The following MED12 variants were observed in gnomAD, a reference collection of about 807,000 sequenced individuals.
The protein encoded by MED12 is mediator of RNA polymerase II transcription subunit 12.
A neutral mutation model predicts 177.7 loss-of-function variants in MED12; 10 were observed. The observed-to-expected ratio is 0.06, with a 90% CI of 0.03 to 0.10. MED12 has a LOEUF of 0.10. MED12 is among the 10% of genes least tolerant of loss of function. The probability of loss-of-function intolerance (pLI) is 1.00; values close to 1 mark genes in which losing one functional copy is unlikely to be tolerated. For synonymous variants in MED12, 641 were observed against 678.4 expected (o/e 0.94, Z 0.86); for missense variants, 867 against 1,780.8 (o/e 0.49, Z 9.23).
At chrX:71,132,259 G>C (rs1029588838) in intron 30 of MED12, 53 bp downstream of exon 30, 1 of 1,180,399 alleles carries the variant, frequency 8.5e-7, no homozygotes, top group Non-Finnish European at 1.2e-6. Flanking sequence ...TCTGCTGGTA[G>C]CGTGAGTGAT....
At chrX:71,128,212 T>A in intron 22 of MED12, 84 bp from the exon 23 acceptor site, 5 of 1,198,134 alleles carry the variant, frequency 4.2e-6, no homozygotes, top group Non-Finnish European at 5.7e-6. Flanking sequence ...CCTTGATTAT[T>A]TAGTGGGGCA....
At chrX:71,137,439 G>A in intron 39 of MED12, 56 bp downstream of exon 39, 1 of 1,178,467 alleles carries the variant, frequency 8.5e-7, no homozygotes, top group Non-Finnish European at 1.2e-6. Context: ...GGCTTTTGAG[G>A]GTCACAGGAC....
chrX:71,125,334 G>A lies in MED12; in HGVS notation c.2227-17G>A. ...AGGAGATCGGTGCTGGAGTCTGATG[G>A]TGCTGCTGGGATGCAGGAGGAGTCA... is the stretch of plus-strand genomic sequence containing the variant. On this transcript the variant is annotated splice_polypyrimidine_tract_variant and intron_variant, in intron 15 of 44. Coordinates refer to ENST00000374080, the MANE Select transcript of MED12 (RefSeq NM_005120.3). 1 of 1,210,779 alleles carries A rather than the reference G, an allele frequency of 8.3e-7. No homozygotes were observed. The highest frequency in any genetic ancestry group is 1.1e-6 in the Non-Finnish European group (1 of 895,177).
rs2092289531 is a variant in MED12, at chrX:71,121,588, A to G, written c.873A>G (p.Ala291=). The part of the protein sequence containing the change: ...LRYSGEFVQS[A]YLSRRLAYFC... ...ACTCTGGGGAATTTGTTCAGTCTGC[A>G]TACCTGTCCCGCCGGCTTGCCTACT... is the stretch of plus-strand genomic sequence containing the variant. The change falls in exon 7 of 45, where the codon GCA becomes GCG. Residue 291 remains alanine, a synonymous_variant. Transcript: ENST00000374080. 1 of 1,209,491 alleles carries G rather than the reference A, an allele frequency of 8.3e-7. No individual in the cohort carries two copies. The highest frequency in any genetic ancestry group is 1.8e-5 in the South Asian group (1 of 56,740).
intron 11 of MED12, 29 bp downstream of exon 11, chrX:71,123,255 T>A: frequency 2.5e-6 from 3 of 1,208,216 alleles, no homozygotes; most frequent in Non-Finnish European, 3.4e-6. Flanking sequence ...GAGAACAAGA[T>A]TGGCCAATGG....
intron 24 of MED12, 161 bp downstream of exon 24, chrX:71,128,879 G>C: frequency 1.4e-6 from 1 of 694,826 alleles, no homozygotes; most frequent in Non-Finnish European, 2.2e-6. Flanking sequence ...GAAGAAACCT[G>C]TTTTTTAGCC....
rs2092307719 is a variant in MED12 at position 71,128,083 on chromosome X, C to T, written c.3172C>T (p.Leu1058Phe). The change falls in exon 22 of 45, where the codon CTT (leucine) becomes TTT (phenylalanine). Residue 1058 changes from leucine to phenylalanine, a missense_variant. Transcript: ENST00000374080. Reference protein sequence around the residue: ...ANRYSFVCNALMHVCVGHHDP... With the variant: ...ANRYSFVCNAFMHVCVGHHDP... ...CCGCTACAGCTTTGTCTGCAATGCC[C>T]TTATGCACGTCTGTGTGGGGCACCA... 3 of 1,211,240 alleles carry T rather than the reference C, an allele frequency of 2.5e-6. No homozygotes were observed. The highest frequency in any genetic ancestry group is 3.4e-6 in the Non-Finnish European group (3 of 895,280).
rs767783777 is a variant in MED12 at position 71,127,045 on chromosome X, G to A, written c.2762G>A (p.Ser921Asn). 8.3e-7 allele frequency: 1 copy of A among 1,210,318 alleles called. No individual in the cohort carries two copies. Residue 921 changes from serine (S) to asparagine (N), a missense_variant, in exon 20 of 45, where the codon AGC becomes AAC. Physicochemically the swap from Ser to Asn is conservative, Grantham distance 46. Transcript: ENST00000374080. ...GATCTGGTGGGCAGCTACACTACTA[G>A]CCTGTGCCTGTGCATCGTGGCTGTC... ...SSDLVGSYTT[S>N]LCLCIVAVLR...
chrX:71,129,992 C>A, intron 27 of MED12, 43 bp from the exon 28 acceptor site: 1 of 1,193,792 alleles, frequency 8.4e-7, no homozygotes, highest in Non-Finnish European at 1.1e-6. Context: ...ATTCCTAACC[C>A]CCTCACTGGT....
chrX:71,126,719 C>T (rs2092304270), intron 19 of MED12, among the ~76,000 whole-genome samples: 1 of 112,162 alleles, frequency 8.9e-6, no homozygotes, highest in Non-Finnish European at 1.9e-5. Flanking sequence ...CATCCTCCCA[C>T]TGTGGAGTTC....
At position 71,137,676 on chromosome X, in the gene MED12, C is replaced by G. The variant is rs1435561756; in HGVS notation, c.5826+41C>G. On this transcript the variant is annotated intron_variant, in intron 40 of 44. Coordinates refer to ENST00000374080, the MANE Select transcript of MED12 (RefSeq NM_005120.3). Reference sequence around the variant, plus strand: ...TGTGAGACTAGGGGGATGAGGCAAGCTGCTCTGCATACTCTCGGCCCTGAT... The same window carrying G: ...TGTGAGACTAGGGGGATGAGGCAAGGTGCTCTGCATACTCTCGGCCCTGAT... 6 of 1,201,993 alleles carry G rather than the reference C, an allele frequency of 5.0e-6. No homozygotes were observed. The East Asian group carries it at 1.8e-4, about 36-fold the overall frequency.
intron 1 of MED12, 86 bp downstream of exon 1, chrX:71,118,939 G>A (rs1602293144): frequency 2.2e-6 from 2 of 889,000 alleles, no homozygotes; most frequent in Non-Finnish European, 3.2e-6. Context: ...ATGGGGGGCG[G>A]GGCGGTTCGG....
In MED12 at chrX:71,120,022, T is replaced by A; in HGVS notation, c.405T>A (p.Ile135=). The change falls in exon 4 of 45, where the codon ATT becomes ATA. Residue 135 remains isoleucine (I), a synonymous_variant. Coordinates refer to ENST00000374080, the MANE Select transcript of MED12 (RefSeq NM_005120.3). The stretch of plus-strand genomic sequence containing the variant: ...TTGCAATGTCCATCCAGGTCCCCAT[T>A]TTCAGTAAGAAGGAAGAGGTGTTTG... ...PLTQLAKKVP[I]FSKKEEVFGY... is the part of the protein sequence containing the mutation. The A allele has an allele frequency of 8.3e-7, 1 of 1,211,749 alleles. No homozygotes were observed. The highest frequency in any genetic ancestry group is 1.1e-6 in the Non-Finnish European group (1 of 895,492).
intron 41 of MED12, 52 bp from the exon 42 acceptor site, chrX:71,140,583 C>T: frequency 1.7e-6 from 2 of 1,210,883 alleles, no homozygotes; most frequent in South Asian, 3.5e-5. Flanking sequence ...TATACTGACC[C>T]CCTCTCCTCA....
chrX:71,119,973 T>C, intron 3 of MED12, 41 bp from the exon 4 acceptor site: 1 of 1,209,553 alleles, frequency 8.3e-7, no homozygotes, highest in Non-Finnish European at 1.1e-6. Context: ...TGTCAGCTCA[T>C]GGGGATAATA....
In MED12 at chrX:71,125,599, T is replaced by G. The variant is rs1333575369; in HGVS notation, c.2372-64T>G. 1.6e-5 allele frequency: 19 copies of G among 1,179,062 alleles called. No individual in the cohort carries two copies. In the East Asian group the frequency reaches 5.7e-4, roughly 35 times the overall value. ...CCCAGTCATGTCCCAATGTCCTGTC[T>G]CTTGGAGTCTCCTGAGAGCTCTAGT... On this transcript the variant is annotated intron_variant, in intron 16 of 44. Transcript: ENST00000374080.
In MED12 at chrX:71,132,222, G is replaced by A. The variant is rs185066241; in HGVS notation, c.4253+16G>A. 7 of 1,206,782 alleles carry A rather than the reference G, an allele frequency of 5.8e-6. No individual in the cohort carries two copies. In the African/African-American group the frequency reaches 1.2e-4, roughly 21 times the overall value. ...CTGTGCTCAGGTCGGATAGAAACAT[G>A]TTAGGACCCATCCCCTTAGGAGTTT... On this transcript the variant is annotated intron_variant, in intron 30 of 44. Transcript: ENST00000374080.
intron 4 of MED12, among the ~76,000 whole-genome samples, chrX:71,120,380 T>C (rs1233521778): frequency 9.1e-6 from 1 of 110,048 alleles, no homozygotes; most frequent in Non-Finnish European, 1.9e-5. Context: ...GCCCCTAGGA[T>C]ACTAGTAGTC....
chrX:71,136,019 C>T (rs1394828738), intron 36 of MED12, among the ~76,000 whole-genome samples: 1 of 108,647 alleles, frequency 9.2e-6, no homozygotes, highest in Non-Finnish European at 1.9e-5. Context: ...CCCCACACGC[C>T]CCCCGCCCCG....
Sources: gnomAD v4.1 joint callset for allele counts (sites outside exome capture counted in the v4.1 genomes callset) on GRCh38, gnomAD v4.1.1 for gene constraint, MANE v1.5 for transcripts, NCBI Gene and HGNC (gene_info 2026-07-23, HGNC 2026-07-21) for gene names.